DMRT1: variants seen among roughly 807,000 people sequenced by gnomAD.
DMRT1 encodes doublesex- and mab-3-related transcription factor 1.
Under a neutral mutation model 32.3 loss-of-function variants are expected in DMRT1, and 7 were observed. That is an observed-to-expected ratio of 0.22 (90% CI 0.12 to 0.41). The LOEUF is 0.41. Among genes scored for constraint, DMRT1 ranks in the 10% least tolerant of loss-of-function variants. The pLI is 1.00. For missense variants in DMRT1, 625 were observed against 500.5 expected (o/e 1.25, Z -2.37); for synonymous variants, 278 against 206.1 (o/e 1.35, Z -2.99).
At chr9:925,730 T>C (rs568777678) in intron 4 of DMRT1, among the ~76,000 whole-genome samples, 28 of 152,222 alleles carry the variant, frequency 1.8e-4, no homozygotes, top group Non-Finnish European at 3.5e-4. Context: ...CTGACCACTC[T>C]GTGTATAACT....
intron 4 of DMRT1, among the ~76,000 whole-genome samples, chr9:931,050 A>C (rs1023836371): frequency 6.6e-6 from 1 of 152,076 alleles, no homozygotes; most frequent in Non-Finnish European, 1.5e-5. Context: ...CCAAAATACT[A>C]GTTTACTTTC....
At chr9:899,650 C>T (rs1586587898) in intron 3 of DMRT1, among the ~76,000 whole-genome samples, 2 of 152,224 alleles carry the variant, frequency 1.3e-5, no homozygotes, top group African/African-American at 4.8e-5. Context: ...ACCAGCAGCT[C>T]AATTTCACTT....
intron 2 of DMRT1, among the ~76,000 whole-genome samples, chr9:863,786 T>C (rs779754978): frequency 6.6e-6 from 1 of 152,246 alleles, no homozygotes; most frequent in African/African-American, 2.4e-5. Flanking sequence ...GTTTATAATC[T>C]AGATTTCCCT....
At chr9:914,436 T>C (rs956105233) in intron 3 of DMRT1, among the ~76,000 whole-genome samples, 1 of 151,766 alleles carries the variant, frequency 6.6e-6, no homozygotes, top group Non-Finnish European at 1.5e-5. Context: ...TAGCCAGGCA[T>C]GGTGGCGGGC....
At chr9:950,217 C>A (rs1399108230) in intron 4 of DMRT1, among the ~76,000 whole-genome samples, 1 of 152,016 alleles carries the variant, frequency 6.6e-6, no homozygotes, top group Non-Finnish European at 1.5e-5. Flanking sequence ...TCAGTTGATG[C>A]CTTAGACTTC....
intron 3 of DMRT1, among the ~76,000 whole-genome samples, chr9:905,881 G>C (rs1403967300): frequency 6.6e-6 from 1 of 152,160 alleles, no homozygotes; most frequent in South Asian, 2.1e-4. Context: ...TTTGGAGTTT[G>C]CCTGACTGCA....
chr9:876,456 G>C (rs1198377212), intron 2 of DMRT1, among the ~76,000 whole-genome samples: 1 of 151,934 alleles, frequency 6.6e-6, no homozygotes, highest in African/African-American at 2.4e-5. Context: ...ACACTCCCAT[G>C]TGAGTGCTTA....
chr9:913,570 A>C (rs1024866809), intron 3 of DMRT1, among the ~76,000 whole-genome samples: 23 of 151,826 alleles, frequency 1.5e-4, no homozygotes, highest in African/African-American at 4.9e-4. Flanking sequence ...GTTCAGCTGG[A>C]AACTGGATGG....
chr9:932,587 C>T (rs1342044111), intron 4 of DMRT1, among the ~76,000 whole-genome samples: 1 of 152,136 alleles, frequency 6.6e-6, no homozygotes, highest in Non-Finnish European at 1.5e-5. Flanking sequence ...GGGTGTCCTA[C>T]AATTCAATTC....
At chr9:930,536 G>T (rs939321395) in intron 4 of DMRT1, among the ~76,000 whole-genome samples, 1 of 151,996 alleles carries the variant, frequency 6.6e-6, no homozygotes, top group African/African-American at 2.4e-5. Context: ...AGCCTCCTGA[G>T]TAGCTGGGGC....
chr9:968,511 AG>A lies in DMRT1; in HGVS notation c.*376del, dbSNP rs1205905413. On this transcript the variant is annotated 3_prime_UTR_variant, in exon 5 of 5. Coordinates refer to ENST00000382276, the MANE Select transcript of DMRT1 (RefSeq NM_021951.3). Reference sequence around the variant, plus strand: ...TTTAAAATGAAATCTTAGGTGCCTTAGGGGTTTTTTTTTTTTTTAAGTATTT... The same window carrying A: ...TTTAAAATGAAATCTTAGGTGCCTTAGGGTTTTTTTTTTTTTTAAGTATTT... 108 of 96,324 alleles carry A rather than the reference AG, an allele frequency of 1.1e-3. No individual in the cohort carries two copies. The highest frequency in any genetic ancestry group is 5.7e-3 in the Admixed American group (47 of 8,244). The allele number at this position is 96,324 out of a possible 1,614,324, so 6.0% of individuals were successfully genotyped here.
chr9:942,571 C>T (rs1267963084), intron 4 of DMRT1, among the ~76,000 whole-genome samples: 1 of 152,152 alleles, frequency 6.6e-6, no homozygotes, highest in Non-Finnish European at 1.5e-5. Flanking sequence ...CTGTGCCTGG[C>T]CTATTTTTCA....
chr9:848,803 C>T (rs541611877), intron 2 of DMRT1, among the ~76,000 whole-genome samples: 6 of 149,374 alleles, frequency 4.0e-5, no homozygotes, highest in Non-Finnish European at 7.4e-5. Context: ...GATCCACCCA[C>T]CTCAGCTTCC....
intron 3 of DMRT1, among the ~76,000 whole-genome samples, chr9:914,097 G>T (rs941264229): frequency 6.6e-6 from 1 of 152,116 alleles, no homozygotes; most frequent in Non-Finnish European, 1.5e-5. Flanking sequence ...AAAAGATGCT[G>T]CAGTGCTCTA....
At chr9:940,542 A>G (rs764759156) in intron 4 of DMRT1, among the ~76,000 whole-genome samples, 4 of 152,198 alleles carry the variant, frequency 2.6e-5, no homozygotes, top group Admixed American at 6.5e-5. Context: ...CATATACAAA[A>G]ATTAACTCAA....
At chr9:952,923 A>C (rs1245718087) in intron 4 of DMRT1, among the ~76,000 whole-genome samples, 2 of 152,114 alleles carry the variant, frequency 1.3e-5, no homozygotes, top group African/African-American at 4.8e-5. Context: ...TTTTTTGTTG[A>C]TCATTTTTTA....
intron 2 of DMRT1, among the ~76,000 whole-genome samples, chr9:857,094 C>T (rs771263881): frequency 2.2e-4 from 33 of 152,240 alleles, no homozygotes; most frequent in Non-Finnish European, 4.4e-4. Context: ...GTGGGTGGAT[C>T]ACCTGAGGTC....
Position 916,743 on chromosome 9 carries a change from T to C in DMRT1, c.823-20T>C. 1 of 1,613,828 alleles carries C rather than the reference T, an allele frequency of 6.2e-7. No individual in the cohort carries two copies. Among genetic ancestry groups the C allele is most frequent in the South Asian group, 1.1e-5 (1 of 91,070 alleles). On this transcript the variant is annotated intron_variant, in intron 3 of 4. Coordinates refer to ENST00000382276, the MANE Select transcript of DMRT1 (RefSeq NM_021951.3). ...CATGCAATGTTGATCTCAGTATATT[T>C]CTTCTTTTTTCTTAAGCAGATGAAG...
chr9:871,448 T>G (rs1244786451), intron 2 of DMRT1, among the ~76,000 whole-genome samples: 1 of 145,934 alleles, frequency 6.9e-6, no homozygotes, highest in Non-Finnish European at 1.5e-5. Flanking sequence ...TTCTCCTGCC[T>G]CAGCCTCCAG....
Sources: allele counts gnomAD v4.1 joint callset (sites outside exome capture counted in the v4.1 genomes callset), GRCh38; gene constraint gnomAD v4.1.1; transcripts MANE v1.5; gene names NCBI Gene and HGNC (gene_info 2026-07-23, HGNC 2026-07-21).